The following PARPBP variants were observed in gnomAD, a reference collection of about 807,000 sequenced individuals.
PARPBP encodes PCNA-interacting partner.
Under a neutral mutation model 50.0 loss-of-function variants are expected in PARPBP, and 52 were observed. The observed-to-expected ratio is 1.04, with a 90% CI of 0.83 to 1.31. The LOEUF is 1.31. PARPBP is among the 50% of genes most tolerant of loss of function. PARPBP has a pLI of 0.00. For synonymous variants in PARPBP, 244 were observed against 232.1 expected (o/e 1.05, Z -0.47); for missense variants, 697 against 672.0 (o/e 1.04, Z -0.41).
At chr12:102,138,737 A>G (rs1884069145) in intron 2 of PARPBP, among the ~76,000 whole-genome samples, 1 of 152,188 alleles carries the variant, frequency 6.6e-6, no homozygotes, top group Admixed American at 6.5e-5. Flanking sequence ...CCATTTATTA[A>G]ATAGGGAATC....
At chr12:102,175,394 G>C (rs1889158388) in intron 6 of PARPBP, 89 bp from the exon 7 acceptor site, 1 of 814,744 alleles carries the variant, frequency 1.2e-6, no homozygotes, top group African/African-American at 1.7e-5. Flanking sequence ...TCTTTGAAAA[G>C]TGTTAACTCT....
intron 9 of PARPBP, among the ~76,000 whole-genome samples, chr12:102,192,929 A>G (rs542209745): frequency 3.3e-5 from 5 of 151,380 alleles, no homozygotes; most frequent in Non-Finnish European, 7.4e-5. Flanking sequence ...AAAAATCTCA[A>G]TATACAAAGG....
At chr12:102,138,460 G>A (rs959389614) in intron 2 of PARPBP, among the ~76,000 whole-genome samples, 6 of 152,100 alleles carry the variant, frequency 3.9e-5, no homozygotes, top group Non-Finnish European at 4.4e-5. Flanking sequence ...TAGGTTGCCT[G>A]TTTACTCTGA....
intron 2 of PARPBP, among the ~76,000 whole-genome samples, chr12:102,130,215 T>G (rs1031298193): frequency 2.6e-5 from 4 of 152,168 alleles, no homozygotes; most frequent in African/African-American, 9.7e-5. Flanking sequence ...ACCGGACCTC[T>G]TCCTTAAACT....
intron 5 of PARPBP, among the ~76,000 whole-genome samples, chr12:102,165,311 G>A (rs1200738013): frequency 6.6e-6 from 1 of 152,050 alleles, no homozygotes; most frequent in Non-Finnish European, 1.5e-5. Context: ...GTGTTAAATT[G>A]CCCAACCAAT....
At position 102,164,618 on chromosome 12, in the gene PARPBP, T is replaced by C; in HGVS notation, c.666+10T>C. ...AATGTCTATCTTTTTGGTATGGTTG[T>C]GTGACATGTTCAAAATTAAGACTCC... On this transcript the variant is annotated intron_variant, in intron 5 of 10. Coordinates refer to ENST00000327680, the MANE Select transcript of PARPBP (RefSeq NM_017915.5). 1 of 1,611,872 alleles carries C rather than the reference T, an allele frequency of 6.2e-7. No individual in the cohort carries two copies.
intron 4 of PARPBP, among the ~76,000 whole-genome samples, chr12:102,155,452 G>A (rs909861813): frequency 6.6e-6 from 1 of 151,976 alleles, no homozygotes; most frequent in African/African-American, 2.4e-5. Flanking sequence ...CTGGGAAGGT[G>A]ACCGCATCCA....
rs116592108 is a variant in PARPBP at position 102,187,227 on chromosome 12, A to C, written c.1263+4600A>C. On this transcript the variant is annotated intron_variant, in intron 9 of 10. Transcript: ENST00000327680. ...AGAAACTGAAGATTTCAGAGTGAAG[A>C]GGCATAGAATGATTTGGCAACTTTA... 6.5e-3 allele frequency among the ~76,000 whole-genome samples: 985 copies of C among 152,328 alleles called. 13 individuals are homozygous for C. Among genetic ancestry groups the C allele is most frequent in the African/African-American group, 0.023 (960 of 41,574 alleles).
At chr12:102,137,482 A>G (rs1355540254) in intron 2 of PARPBP, among the ~76,000 whole-genome samples, 1 of 151,960 alleles carries the variant, frequency 6.6e-6, no homozygotes, top group African/African-American at 2.4e-5. Flanking sequence ...CTTGAATTAT[A>G]TAATGCCTCT....
At position 102,188,264 on chromosome 12, in the gene PARPBP, C is replaced by CT. The variant is rs781054329; in HGVS notation, c.1263+5649dup. The stretch of plus-strand genomic sequence containing the variant: ...GACGTGCCTCAAACACGTGGCTGGT[C>CT]TTTTTTTTTTTTCAAGATATTTGCC... On this transcript the variant is annotated intron_variant, in intron 9 of 10. Coordinates refer to ENST00000327680, the MANE Select transcript of PARPBP (RefSeq NM_017915.5). Among the ~76,000 whole-genome samples, 380 of 142,178 alleles carry CT rather than the reference C, an allele frequency of 2.7e-3. 4 individuals are homozygous for CT. Among genetic ancestry groups the CT allele is most frequent in the Admixed American group, 4.1e-3 (58 of 14,166 alleles). 93.3% of individuals were successfully genotyped at this position (142,178 alleles called of 152,430 possible). A position where few individuals can be genotyped will look rare whatever the true frequency, so the allele number is the denominator to read the frequency against.
chr12:102,185,744 C>T (rs1245431402), intron 9 of PARPBP, among the ~76,000 whole-genome samples: 2 of 152,042 alleles, frequency 1.3e-5, no homozygotes, highest in Admixed American at 1.3e-4. Flanking sequence ...CTGTAACCTT[C>T]TGTGTTTTAA....
rs190221122 is a variant in PARPBP, at chr12:102,156,123, A to G, written c.495+2147A>G. Among the ~76,000 whole-genome samples, 7 of 150,564 alleles carry G rather than the reference A, an allele frequency of 4.6e-5. No homozygotes were observed. In the East Asian group the frequency reaches 1.4e-3, roughly 29 times the overall value. ...CACCATCTTGGGAGCTCTAAGAACA[A>G]GGACACCCTGATAACACCATGATCA... On this transcript the variant is annotated intron_variant, in intron 4 of 10. Coordinates refer to ENST00000327680, the MANE Select transcript of PARPBP (RefSeq NM_017915.5).
intron 9 of PARPBP, among the ~76,000 whole-genome samples, chr12:102,188,889 C>T (rs1411111491): frequency 2.0e-5 from 3 of 151,572 alleles, no homozygotes; most frequent in African/African-American, 7.3e-5. Flanking sequence ...AAAACATTAT[C>T]TAAAATTAAG....
Position 102,161,187 on chromosome 12 carries a change from T to G in PARPBP, c.496-3251T>G, listed in dbSNP as rs73384850. 3.2e-3 allele frequency among the ~76,000 whole-genome samples: 480 copies of G among 152,084 alleles called. 2 individuals carry two copies. The highest frequency in any genetic ancestry group is 0.011 in the African/African-American group (447 of 41,526). ...GTAGCATTATCTTGGCTCACTGCAA[T>G]CTACACCTCCCAGGTTCAAGTGATT... On this transcript the variant is annotated intron_variant, in intron 4 of 10. Transcript: ENST00000327680.
chr12:102,123,075 C>A (rs990157517), intron 1 of PARPBP, among the ~76,000 whole-genome samples: 5 of 152,148 alleles, frequency 3.3e-5, no homozygotes, highest in African/African-American at 1.2e-4. Flanking sequence ...TAGGTGGTGA[C>A]AACACATGTG....
Position 102,164,433 on chromosome 12 carries a change from C to A in PARPBP, c.496-5C>A. 1 of 1,602,756 alleles carries A rather than the reference C, an allele frequency of 6.2e-7. No homozygotes were observed. Among genetic ancestry groups the A allele is most frequent in the Non-Finnish European group, 8.5e-7 (1 of 1,171,004 alleles). ...AAGAAATTAACTGAATATTTTATTGCACAGGTGCAGCTGCTAGCAAGGAAA... is the reference window on the plus strand; with the variant it reads ...AAGAAATTAACTGAATATTTTATTGAACAGGTGCAGCTGCTAGCAAGGAAA... On this transcript the variant is annotated splice_region_variant and splice_polypyrimidine_tract_variant and intron_variant, in intron 4 of 10. Coordinates refer to ENST00000327680, the MANE Select transcript of PARPBP (RefSeq NM_017915.5).
chr12:102,182,769 A>G (rs935415605), intron 9 of PARPBP, 142 bp downstream of exon 9: 11 of 662,706 alleles, frequency 1.7e-5, no homozygotes, highest in Middle Eastern at 5.1e-4. Context: ...ATGAGTTATG[A>G]CAGTTGACGT....
At chr12:102,143,772 A>G (rs1288523420) in intron 2 of PARPBP, among the ~76,000 whole-genome samples, 1 of 151,712 alleles carries the variant, frequency 6.6e-6, no homozygotes, top group Admixed American at 6.6e-5. Flanking sequence ...GTGTTAATAG[A>G]GGCTATTTTT....
intron 2 of PARPBP, among the ~76,000 whole-genome samples, chr12:102,133,104 C>T (rs1301452655): frequency 1.3e-5 from 2 of 152,074 alleles, no homozygotes; most frequent in African/African-American, 4.8e-5. Context: ...GGAACATTTT[C>T]ACTTATTTCT....
Sources: gnomAD v4.1 joint callset for allele counts (sites outside exome capture counted in the v4.1 genomes callset) on GRCh38, gnomAD v4.1.1 for gene constraint, MANE v1.5 for transcripts, NCBI Gene and HGNC (gene_info 2026-07-23, HGNC 2026-07-21) for gene names.